Variants in EPB41L5 observed in about 807,000 individuals in gnomAD.
EPB41L5 encodes the protein band 4.1-like protein 5.
Under a neutral mutation model 106.6 loss-of-function variants are expected in EPB41L5, and 55 were observed. That is an observed-to-expected ratio of 0.52 (90% CI 0.42 to 0.65). The LOEUF is 0.65. EPB41L5 is among the 30% of genes least tolerant of loss of function. The probability of loss-of-function intolerance (pLI) is 0.00; values close to 1 mark genes in which losing one functional copy is unlikely to be tolerated. For synonymous variants in EPB41L5, 297 were observed against 306.7 expected, an observed-to-expected ratio of 0.97 and a Z score of 0.33; for missense variants, 871 against 882.1, an observed-to-expected ratio of 0.99 and a Z score of 0.16.
In EPB41L5 at chr2:120,127,846, A is replaced by G; in HGVS notation, c.1496A>G (p.Tyr499Cys). 6.2e-7 allele frequency: 1 copy of G among 1,608,854 alleles called. No homozygotes were observed. Among genetic ancestry groups the G allele is most frequent in the Non-Finnish European group, 8.5e-7 (1 of 1,176,188 alleles). ...LPGLGEPEVE[Y>C]ETLKDTSEKL... ...GGATTAGGGGAACCTGAAGTTGAAT[A>G]TGAGAGTAAGTAAATGTTCCATTAT... Residue 499 changes from tyrosine to cysteine, a missense_variant, in exon 17 of 25, where the codon TAT becomes TGT. Physicochemically the swap from Tyr to Cys is radical, Grantham distance 194. Transcript: ENST00000263713.
Position 120,018,963 on chromosome 2 carries a change from A to T in EPB41L5, c.-8-114A>T. 3.2e-6 allele frequency: 3 copies of T among 932,204 alleles called. No individual in the cohort carries two copies. The South Asian group carries it at 5.0e-5, about 16-fold the overall frequency. The allele number at this position is 932,204 out of a possible 1,614,324, so 57.7% of individuals were successfully genotyped here. ...ACCCAGCCCAGGTGTCCTTTTTAGT[A>T]GCATTTCTACTAATGTTCACAGGAC... On this transcript the variant is annotated intron_variant, in intron 1 of 24. Transcript: ENST00000263713.
Position 120,123,194 on chromosome 2 carries a change from G to T in EPB41L5, c.1338-4494G>T, listed in dbSNP as rs142561889. Among the ~76,000 whole-genome samples, 200 of 151,960 alleles carry T rather than the reference G, an allele frequency of 1.3e-3. 1 individual carries two copies. Among genetic ancestry groups the T allele is most frequent in the African/African-American group, 4.5e-3 (185 of 41,442 alleles). On this transcript the variant is annotated intron_variant, in intron 16 of 24. Transcript: ENST00000263713. ...CTTTAAAACTCTAAACTTGTAAATA[G>T]AACTTTTTCAGCCTCTGTTCCTGTC...
intron 16 of EPB41L5, among the ~76,000 whole-genome samples, chr2:120,123,910 G>A (rs552224219): frequency 8.0e-4 from 122 of 151,986 alleles, no homozygotes; most frequent in African/African-American, 2.7e-3. Flanking sequence ...CTCCCACCTC[G>A]GCCTCCCAAA....
chr2:120,152,706 A>C (rs939881870), intron 20 of EPB41L5, among the ~76,000 whole-genome samples: 1 of 152,238 alleles, frequency 6.6e-6, no homozygotes, highest in African/African-American at 2.4e-5. Flanking sequence ...ATTTGGTAGA[A>C]TTCACCAGTG....
chr2:120,031,086 C>T (rs968180849), intron 2 of EPB41L5, among the ~76,000 whole-genome samples: 1 of 152,152 alleles, frequency 6.6e-6, no homozygotes, highest in African/African-American at 2.4e-5. Flanking sequence ...TCAGGCTGGT[C>T]TCAAACTCCT....
At chr2:120,080,376 C>T (rs113931949) in intron 10 of EPB41L5, among the ~76,000 whole-genome samples, 1 of 151,926 alleles carries the variant, frequency 6.6e-6, no homozygotes, top group Non-Finnish European at 1.5e-5. Flanking sequence ...TTTGTCCTTG[C>T]AATAGTTTGC....
intron 16 of EPB41L5, chr2:120,104,650 A>G (rs924216321): frequency 1.0e-6 from 1 of 986,766 alleles, no homozygotes; most frequent in African/African-American, 1.7e-5. Context: ...AAGCATGTCT[A>G]GGCATAATAT....
chr2:120,138,326 T>C (rs1686018506), intron 18 of EPB41L5, among the ~76,000 whole-genome samples: 1 of 151,970 alleles, frequency 6.6e-6, no homozygotes, highest in African/African-American at 2.4e-5. Context: ...TTATTCAGTG[T>C]AGTACTGGAA....
chr2:120,117,677 G>C (rs1685013630), intron 16 of EPB41L5, among the ~76,000 whole-genome samples: 1 of 152,094 alleles, frequency 6.6e-6, no homozygotes, highest in African/African-American at 2.4e-5. Flanking sequence ...GCAATAAAGT[G>C]CATCTTTAAA....
chr2:120,032,570 A>C (rs963457639), intron 2 of EPB41L5, among the ~76,000 whole-genome samples: 5 of 152,182 alleles, frequency 3.3e-5, no homozygotes, highest in Admixed American at 3.3e-4. Context: ...ATCACAGTCC[A>C]TTGGCAGCTT....
intron 16 of EPB41L5, among the ~76,000 whole-genome samples, chr2:120,115,614 A>G (rs1278997279): frequency 1.3e-5 from 2 of 151,248 alleles, no homozygotes; most frequent in Non-Finnish European, 2.9e-5. Flanking sequence ...CTGGTCTCGA[A>G]CTCCTGACCT....
chr2:120,117,278 T>C (rs1249997555), intron 16 of EPB41L5, among the ~76,000 whole-genome samples: 1 of 152,204 alleles, frequency 6.6e-6, no homozygotes, highest in Non-Finnish European at 1.5e-5. Context: ...GGTTAATATG[T>C]GCTAAACAGT....
In EPB41L5 at chr2:120,175,193, T is replaced by G. The variant is rs1687878780; in HGVS notation, c.*286T>G. On this transcript the variant is annotated 3_prime_UTR_variant, in exon 25 of 25. Coordinates refer to ENST00000263713, the MANE Select transcript of EPB41L5 (RefSeq NM_020909.4). ...GGAATTTCTTTTTCTGGGGTTTCCT[T>G]CAAACTCTTGGCTCCACCTAGCGGT... 1 of 387,508 alleles carries G rather than the reference T, an allele frequency of 2.6e-6. No homozygotes were observed. Among genetic ancestry groups the G allele is most frequent in the African/African-American group, 2.0e-5 (1 of 49,666 alleles). 24.0% of individuals were successfully genotyped at this position (387,508 alleles called of 1,614,324 possible).
chr2:120,089,867 A>G (rs1683297895), intron 11 of EPB41L5, among the ~76,000 whole-genome samples: 1 of 151,990 alleles, frequency 6.6e-6, no homozygotes, highest in Non-Finnish European at 1.5e-5. Context: ...CAGTTTCCTT[A>G]TCTATGAAAT....
intron 16 of EPB41L5, among the ~76,000 whole-genome samples, chr2:120,110,696 G>A (rs1242910996): frequency 6.9e-6 from 1 of 145,248 alleles, no homozygotes; most frequent in Non-Finnish European, 1.5e-5. Context: ...GTGCAATGAT[G>A]CAATCTCTGC....
intron 3 of EPB41L5, among the ~76,000 whole-genome samples, chr2:120,060,141 G>A (rs561859449): frequency 1.3e-5 from 2 of 152,308 alleles, no homozygotes; most frequent in East Asian, 3.9e-4. Flanking sequence ...GCAGAAATGG[G>A]ATCTCTTATA....
At chr2:120,124,048 A>T (rs1360915747) in intron 16 of EPB41L5, among the ~76,000 whole-genome samples, 14 of 152,156 alleles carry the variant, frequency 9.2e-5, no homozygotes, top group Admixed American at 9.2e-4. Context: ...GGGGGCGAAG[A>T]CTTACTTGGT....
At chr2:120,076,827 T>A (rs1682277378) in intron 7 of EPB41L5, 144 bp from the exon 8 acceptor site, 1 of 665,764 alleles carries the variant, frequency 1.5e-6, no homozygotes, top group Non-Finnish European at 2.4e-6. Flanking sequence ...ATGCCAGATT[T>A]ACTTTTGGAG....
At chr2:120,086,771 C>CA (rs1175242764) in intron 10 of EPB41L5, among the ~76,000 whole-genome samples, 6 of 152,140 alleles carry the variant, frequency 3.9e-5, no homozygotes, top group Non-Finnish European at 5.9e-5. Context: ...AAACCATCGT[C>CA]AGTGTTTTTC....
Sources: gnomAD v4.1 joint callset for allele counts (sites outside exome capture counted in the v4.1 genomes callset) on GRCh38, gnomAD v4.1.1 for gene constraint, MANE v1.5 for transcripts, NCBI Gene and HGNC (gene_info 2026-07-23, HGNC 2026-07-21) for gene names.